Variants in TMEM54 observed in about 807,000 individuals in gnomAD.
The protein encoded by TMEM54 is beta-casein-like protein.
Under a neutral mutation model 21.3 loss-of-function variants are expected in TMEM54, and 21 were observed. The observed-to-expected ratio is 0.99, with a 90% confidence interval of 0.70 to 1.42. TMEM54 has a LOEUF of 1.42. Among genes scored for constraint, TMEM54 ranks in the 40% most tolerant of loss-of-function variants. TMEM54 has a pLI of 0.00. For missense variants in TMEM54, 246 were observed against 294.0 expected (o/e 0.84, Z 1.19); for synonymous variants, 109 against 125.0 (o/e 0.87, Z 0.86).
chr1:32,895,853 G>T lies in TMEM54; in HGVS notation c.270+57C>A. On this transcript the variant is annotated intron_variant, in intron 3 of 5. Coordinates refer to ENST00000373463, the MANE Select transcript of TMEM54 (RefSeq NM_033504.4). The surrounding 1 kb of genome is among the most constrained non-coding windows in gnomAD (Gnocchi z 5.8). ...TCTCCAAGGAGGCCAGGCCCTTGGC[G>T]GGTGGCTGCTGCCCCTACCCTTCCC... 1.3e-6 allele frequency: 2 copies of T among 1,586,652 alleles called. No individual in the cohort carries two copies. Among genetic ancestry groups the T allele is most frequent in the South Asian group, 1.2e-5 (1 of 85,532 alleles).
At position 32,901,216 on chromosome 1, in the gene TMEM54, C is replaced by A. The variant is rs746021196; in HGVS notation, c.16+7G>T. On this transcript the variant is annotated splice_region_variant and intron_variant, in intron 1 of 5. Coordinates refer to ENST00000373463, the MANE Select transcript of TMEM54 (RefSeq NM_033504.4). The surrounding 1 kb of genome is among the most constrained non-coding windows in gnomAD (Gnocchi z 4.2). ...TCGGGGCCTCCCGCGCGCCCCCAGTCGCTCACCGAGGCGCAGACACATGTC... is the reference window on the plus strand; with the variant it reads ...TCGGGGCCTCCCGCGCGCCCCCAGTAGCTCACCGAGGCGCAGACACATGTC... 40 of 1,489,256 alleles carry A rather than the reference C, an allele frequency of 2.7e-5. No individual in the cohort carries two copies. In the South Asian group the frequency reaches 3.9e-4, roughly 15 times the overall value. 92.3% of individuals were successfully genotyped at this position (1,489,256 alleles called of 1,614,324 possible).
At position 32,895,728 on chromosome 1, in the gene TMEM54, TA is replaced by T. The variant is rs1230080889; in HGVS notation, c.285del (p.Phe95LeufsTer12). ...AGGAGAGCACAGGCCACGCTCGAGC[TA>T]AACACTGTCCAGCGCTGGACGGGGG... The part of the protein sequence containing the change: ...LPSTPLRWTV[F>X]SSSVACALLS... On this transcript the variant is annotated frameshift_variant, in exon 4 of 6. Transcript: ENST00000373463. LOFTEE classifies it high-confidence loss of function. This position sits in a 1 kb window ranked among gnomAD's most constrained non-coding sequence, Gnocchi z 5.8. 1 of 1,558,068 alleles carries T rather than the reference TA, an allele frequency of 6.4e-7. No individual in the cohort carries two copies. The highest frequency in any genetic ancestry group is 1.4e-5 in the African/African-American group (1 of 73,552).
At chr1:32,898,037 C>A (rs576801726) in intron 2 of TMEM54, 89 bp downstream of exon 2, 423 of 1,302,760 alleles carry the variant, frequency 3.2e-4, no homozygotes, top group Non-Finnish European at 4.1e-4. Flanking sequence ...GTCTGCTTAC[C>A]ACCACAGGCT....
Position 32,895,349 on chromosome 1 carries a change from G to T in TMEM54, c.550C>A (p.Leu184Met), listed in dbSNP as rs1641560964. 3.7e-6 allele frequency: 6 copies of T among 1,613,842 alleles called. No individual in the cohort carries two copies. Among genetic ancestry groups the T allele is most frequent in the Non-Finnish European group, 5.1e-6 (6 of 1,179,768 alleles). ...AVRCAQLTHQLLELRPWWGKS... is the reference protein window; with the variant it reads ...AVRCAQLTHQMLELRPWWGKS... The stretch of plus-strand genomic sequence containing the variant: ...CCCCACCAGGGCCTCAGCTCCAGCA[G>T]CTGGTGGGTGAGCTGAGCACAGCGT... Residue 184 changes from leucine (L) to methionine (M), a missense_variant, in exon 5 of 6, where the codon CTG (leucine) becomes ATG (methionine). Physicochemically the swap from Leu to Met is conservative, Grantham distance 15. Transcript: ENST00000373463. The surrounding 1 kb of genome is among the most constrained non-coding windows in gnomAD (Gnocchi z 5.8).
rs1641591378 is a variant in TMEM54, at chr1:32,896,020, G to A, written c.211-51C>T. On this transcript the variant is annotated intron_variant, in intron 2 of 5. Transcript: ENST00000373463. This position sits in a 1 kb window ranked among gnomAD's most constrained non-coding sequence, Gnocchi z 4.1. ...TGACTCCTTGGCTGGAGGAACAGGG[G>A]CAGGGGGATCAGGGCCACTCTGGGA... 3.8e-6 allele frequency: 6 copies of A among 1,585,490 alleles called. No individual in the cohort carries two copies. The highest frequency in any genetic ancestry group is 3.4e-6 in the Non-Finnish European group (4 of 1,163,496).
rs780997711 is a variant in TMEM54, at chr1:32,894,830, G to A, written c.644C>T (p.Thr215Ile). The part of the protein sequence containing the change: ...LVEGRDLLSC[T>I]SSEPLTL ...TCAGAGGGTCAGAGGCTCAGAGCTGGTGCAGCTCAGCAGGTCACGGCCCTC... is the reference window on the plus strand; with the variant it reads ...TCAGAGGGTCAGAGGCTCAGAGCTGATGCAGCTCAGCAGGTCACGGCCCTC... Residue 215 changes from threonine (T) to isoleucine (I), a missense_variant, in exon 6 of 6, where the codon ACC becomes ATC. Physicochemically the swap from Thr to Ile is moderately conservative, Grantham distance 89. Transcript: ENST00000373463. 1.5e-5 allele frequency: 24 copies of A among 1,604,324 alleles called. No individual in the cohort carries two copies. The highest frequency in any genetic ancestry group is 2.0e-5 in the Non-Finnish European group (23 of 1,171,428).
In TMEM54 at chr1:32,895,562, C is replaced by T. The variant is rs143264287; in HGVS notation, c.452G>A (p.Arg151His). The change falls in exon 4 of 6, where the codon CGC becomes CAC. Residue 151 changes from arginine to histidine, a missense_variant. By Grantham distance (29) the Arg-to-His change is conservative. Coordinates refer to ENST00000373463, the MANE Select transcript of TMEM54 (RefSeq NM_033504.4). This position sits in a 1 kb window ranked among gnomAD's most constrained non-coding sequence, Gnocchi z 5.8. ...CCAGGCCTAGGTACTCACATAAATG[C>T]GTGTGGGGTCGAAGGGACAGTCAGG... ...LAPDCPFDPTRIYSSSLCLWG... is the reference protein window; with the variant it reads ...LAPDCPFDPTHIYSSSLCLWG... 1.4e-4 allele frequency: 229 copies of T among 1,592,112 alleles called. 1 individual carries two copies. In the East Asian group the frequency reaches 4.5e-3, roughly 31 times the overall value.
At position 32,901,268 on chromosome 1, in the gene TMEM54, T is replaced by G. The variant is rs1265269728; in HGVS notation, c.-30A>C. On this transcript the variant is annotated 5_prime_UTR_variant, in exon 1 of 6. Coordinates refer to ENST00000373463, the MANE Select transcript of TMEM54 (RefSeq NM_033504.4). This position sits in a 1 kb window ranked among gnomAD's most constrained non-coding sequence, Gnocchi z 4.2. ...GCTCCGCGCTGGTCCCGCCCCCGGC[T>G]TCAGCGCGGCTCCCGAGGCTGCGGG... 3 of 1,394,580 alleles carry G rather than the reference T, an allele frequency of 2.2e-6. No individual in the cohort carries two copies. The allele number at this position is 1,394,580 out of a possible 1,614,324, so 86.4% of individuals were successfully genotyped here. A position where few individuals can be genotyped will look rare whatever the true frequency, so the allele number is the denominator to read the frequency against.
Position 32,895,844 on chromosome 1 carries a change from G to A in TMEM54, c.270+66C>T. On this transcript the variant is annotated intron_variant, in intron 3 of 5. Transcript: ENST00000373463. The surrounding 1 kb of genome is among the most constrained non-coding windows in gnomAD (Gnocchi z 5.8). ...GCCTTACCCTCTCCAAGGAGGCCAG[G>A]CCCTTGGCGGGTGGCTGCTGCCCCT... 6.3e-7 allele frequency: 1 copy of A among 1,579,992 alleles called. No individual in the cohort carries two copies. Among genetic ancestry groups the A allele is most frequent in the Non-Finnish European group, 8.6e-7 (1 of 1,163,410 alleles).
Position 32,898,234 on chromosome 1 carries a change from T to C in TMEM54, c.102A>G (p.Thr34=), listed in dbSNP as rs1198703373. 2.5e-6 allele frequency: 4 copies of C among 1,613,528 alleles called. No individual in the cohort carries two copies. Among genetic ancestry groups the C allele is most frequent in the Admixed American group, 1.7e-5 (1 of 59,990 alleles). The change falls in exon 2 of 6, where the codon ACA becomes ACG. Residue 34 remains threonine (T), a synonymous_variant. Coordinates refer to ENST00000373463, the MANE Select transcript of TMEM54 (RefSeq NM_033504.4). ...GCACTGTGCCATGGAACAGGGCAGC[T>C]GTGATGAAGCTCACATGGCCCAGCA... ...LVVLGHVSFI[T]AALFHGTVLR...
intron 1 of TMEM54, among the ~76,000 whole-genome samples, chr1:32,899,735 G>A (rs977292626): frequency 3.9e-5 from 6 of 152,128 alleles, no homozygotes; most frequent in African/African-American, 9.7e-5. Context: ...TACACTGGAC[G>A]CTCTGGGACA....
chr1:32,895,569 G>A lies in TMEM54; in HGVS notation c.445C>T (p.Pro149Ser), dbSNP rs1222346068. 1 of 1,592,216 alleles carries A rather than the reference G, an allele frequency of 6.3e-7. No homozygotes were observed. Among genetic ancestry groups the A allele is most frequent in the South Asian group, 1.1e-5 (1 of 87,718 alleles). ...LALAPDCPFD[P>S]TRIYSSSLCL... ...TAGGTACTCACATAAATGCGTGTGGGGTCGAAGGGACAGTCAGGTGCGAGG... is the reference window on the plus strand; with the variant it reads ...TAGGTACTCACATAAATGCGTGTGGAGTCGAAGGGACAGTCAGGTGCGAGG... Residue 149 changes from proline (P) to serine (S), a missense_variant, in exon 4 of 6, where the codon CCC (proline) becomes TCC (serine). By Grantham distance (74) the Pro-to-Ser change is moderately conservative. Coordinates refer to ENST00000373463, the MANE Select transcript of TMEM54 (RefSeq NM_033504.4). The surrounding 1 kb of genome is among the most constrained non-coding windows in gnomAD (Gnocchi z 5.8).
rs374708488 is a variant in TMEM54 at position 32,895,773 on chromosome 1, C to T, written c.271-30G>A. ...ACGGGGGAGGCCACTGGTCAATGGG[C>T]GTCGTGCTTGGCCCCCATGGGCAGC... On this transcript the variant is annotated intron_variant, in intron 3 of 5. Coordinates refer to ENST00000373463, the MANE Select transcript of TMEM54 (RefSeq NM_033504.4). The surrounding 1 kb of genome is among the most constrained non-coding windows in gnomAD (Gnocchi z 5.8). 215 of 1,547,902 alleles carry T rather than the reference C, an allele frequency of 1.4e-4. No individual in the cohort carries two copies. Among genetic ancestry groups the T allele is most frequent in the South Asian group, 6.3e-4 (53 of 83,776 alleles).
Position 32,898,298 on chromosome 1 carries a change from A to G in TMEM54, c.38T>C (p.Phe13Ser). The G allele has an allele frequency of 6.2e-7, 1 of 1,605,406 alleles. No individual in the cohort carries two copies. Among genetic ancestry groups the G allele is most frequent in the Non-Finnish European group, 8.5e-7 (1 of 1,172,812 alleles). The change falls in exon 2 of 6, where the codon TTC (phenylalanine) becomes TCC (serine). Residue 13 changes from phenylalanine (F) to serine (S), a missense_variant. By Grantham distance (155) the Phe-to-Ser change is radical. Coordinates refer to ENST00000373463, the MANE Select transcript of TMEM54 (RefSeq NM_033504.4). ...LRLGGLSVGD[F>S]RKVLMKTGLV... Reference sequence around the variant, plus strand: ...GCCTGTCTTCATCAGCACCTTCCGGAAGTCGCCCACACTCAGGCCTCCTGT... The same window carrying G: ...GCCTGTCTTCATCAGCACCTTCCGGGAGTCGCCCACACTCAGGCCTCCTGT...
chr1:32,898,100 C>A, intron 2 of TMEM54, 26 bp downstream of exon 2: 1 of 1,574,214 alleles, frequency 6.4e-7, no homozygotes, highest in Non-Finnish European at 8.7e-7. Context: ...CTCCTCCCAC[C>A]AACCACCCTC....
intron 1 of TMEM54, among the ~76,000 whole-genome samples, chr1:32,900,537 A>C (rs1191528700): frequency 1.3e-5 from 2 of 152,164 alleles, no homozygotes; most frequent in Non-Finnish European, 2.9e-5. Flanking sequence ...CCACTGTGGG[A>C]GCGCATAGCA....
In TMEM54 at chr1:32,896,015, C is replaced by G; in HGVS notation, c.211-46G>C. The G allele has an allele frequency of 5.7e-6, 9 of 1,589,634 alleles. No individual in the cohort carries two copies. The highest frequency in any genetic ancestry group is 6.9e-6 in the Non-Finnish European group (8 of 1,167,030). On this transcript the variant is annotated intron_variant, in intron 2 of 5. Coordinates refer to ENST00000373463, the MANE Select transcript of TMEM54 (RefSeq NM_033504.4). This position sits in a 1 kb window ranked among gnomAD's most constrained non-coding sequence, Gnocchi z 4.1. ...AGCCCTGACTCCTTGGCTGGAGGAA[C>G]AGGGGCAGGGGGATCAGGGCCACTC...
intron 1 of TMEM54, among the ~76,000 whole-genome samples, chr1:32,900,480 C>T (rs1346871627): frequency 9.5e-6 from 1 of 104,912 alleles, no homozygotes; most frequent in Non-Finnish European, 2.4e-5. Flanking sequence ...CTCGGCCTCC[C>T]AGAGTGCTGC....
rs143264287 is a variant in TMEM54 at position 32,895,562 on chromosome 1, C to A, written c.452G>T (p.Arg151Leu). Residue 151 changes from arginine (R) to leucine (L), a missense_variant, in exon 4 of 6, where the codon CGC becomes CTC. Coordinates refer to ENST00000373463, the MANE Select transcript of TMEM54 (RefSeq NM_033504.4). The surrounding 1 kb of genome is among the most constrained non-coding windows in gnomAD (Gnocchi z 5.8). ...CCAGGCCTAGGTACTCACATAAATG[C>A]GTGTGGGGTCGAAGGGACAGTCAGG... ...LAPDCPFDPT[R>L]IYSSSLCLWG... 2.5e-6 allele frequency: 4 copies of A among 1,592,112 alleles called. No homozygotes were observed. Among genetic ancestry groups the A allele is most frequent in the Non-Finnish European group, 3.4e-6 (4 of 1,169,440 alleles).
Sources: allele counts gnomAD v4.1 joint callset (sites outside exome capture counted in the v4.1 genomes callset), GRCh38; gene constraint gnomAD v4.1.1; non-coding constraint Gnocchi (gnomAD v3.1); transcripts MANE v1.5; gene names NCBI Gene and HGNC (gene_info 2026-07-23, HGNC 2026-07-21).